Variants in ATP2B2 observed in about 807,000 individuals in gnomAD.
The protein encoded by ATP2B2 is ATPase plasma membrane Ca2+ transporting 2, also known as plasma membrane calcium-transporting ATPase 2.
ATP2B2 carries 15 observed loss-of-function variants against 120.0 expected under a neutral mutation model. That is an observed-to-expected ratio of 0.12 (90% CI 0.08 to 0.19). The LOEUF (loss-of-function observed/expected upper bound fraction) is 0.19, where lower values mean the gene tolerates loss of function less well. Ranked by LOEUF, ATP2B2 falls within the 10% of genes least tolerant of loss-of-function variation. ATP2B2 has a pLI of 1.00. For synonymous variants in ATP2B2, 694 were observed against 700.3 expected, an observed-to-expected ratio of 0.99 and a Z score of 0.14; for missense variants, 1,045 against 1,719.8, an observed-to-expected ratio of 0.61 and a Z score of 6.94.
At chr3:10,618,443 T>C (rs1214020214) in intron 2 of ATP2B2, among the ~76,000 whole-genome samples, 1 of 152,020 alleles carries the variant, frequency 6.6e-6, no homozygotes, top group Admixed American at 6.5e-5. Context: ...AGGAGCTGAG[T>C]GTGGAGAGGA....
At chr3:10,628,384 C>T (rs1235290976) in intron 1 of ATP2B2, among the ~76,000 whole-genome samples, 1 of 152,210 alleles carries the variant, frequency 6.6e-6, no homozygotes, top group African/African-American at 2.4e-5. Flanking sequence ...ACAGAGTGAA[C>T]AGCAGCCAGG....
At chr3:10,486,253 C>T (rs1036845042) in intron 1 of ATP2B2, among the ~76,000 whole-genome samples, 1 of 152,026 alleles carries the variant, frequency 6.6e-6, no homozygotes, top group Admixed American at 6.6e-5. Flanking sequence ...CCATCAAGTG[C>T]CTAGAACTGT....
At chr3:10,353,471 T>C (rs1359370560) in intron 14 of ATP2B2, among the ~76,000 whole-genome samples, 5 of 152,090 alleles carry the variant, frequency 3.3e-5, no homozygotes, top group Non-Finnish European at 5.9e-5. Context: ...AGAGAAGGCC[T>C]GAGGTATGAA....
At chr3:10,706,184 G>A (rs1406899821) in intron 1 of ATP2B2, among the ~76,000 whole-genome samples, 1 of 152,178 alleles carries the variant, frequency 6.6e-6, no homozygotes, top group African/African-American at 2.4e-5. Flanking sequence ...GGGAGTGAGT[G>A]AGTGAGTGAA....
intron 1 of ATP2B2, among the ~76,000 whole-genome samples, chr3:10,683,756 GTGTGTA>G (rs1468998290): frequency 1.0e-4 from 3 of 29,702 alleles, no homozygotes; most frequent in African/African-American, 5.1e-4. Flanking sequence ...ATATGTGTGT[GTGTGTA>G]TATATATATA....
At position 10,350,583 on chromosome 3, in the gene ATP2B2, C is replaced by A; in HGVS notation, c.2137-6G>T. Reference sequence around the variant, plus strand: ...TTGCGGATGGCTTCTGGGACCTGGGCAGGAGGGCAGGGGCCATGGGGGAGG... The same window carrying A: ...TTGCGGATGGCTTCTGGGACCTGGGAAGGAGGGCAGGGGCCATGGGGGAGG... On this transcript the variant is annotated splice_region_variant and splice_polypyrimidine_tract_variant and intron_variant, in intron 14 of 22. Transcript: ENST00000360273. The A allele has an allele frequency of 1.2e-6, 2 of 1,610,880 alleles. No homozygotes were observed. Among genetic ancestry groups the A allele is most frequent in the East Asian group, 4.5e-5 (2 of 44,862 alleles).
chr3:10,432,066 G>GA (rs1332757030), intron 2 of ATP2B2, among the ~76,000 whole-genome samples: 5 of 152,178 alleles, frequency 3.3e-5, no homozygotes, highest in Non-Finnish European at 7.4e-5. Flanking sequence ...ATAGGGAGAG[G>GA]AAAAAATATC....
intron 2 of ATP2B2, chr3:10,566,206 A>C (rs1319146754): frequency 6.6e-6 from 1 of 152,100 alleles, no homozygotes; most frequent in Non-Finnish European, 1.5e-5. Flanking sequence ...CTGTTCACCC[A>C]CTAGTTAGTG....
intron 1 of ATP2B2, among the ~76,000 whole-genome samples, chr3:10,495,755 A>G (rs1232037304): frequency 6.6e-6 from 1 of 152,240 alleles, no homozygotes; most frequent in Non-Finnish European, 1.5e-5. Flanking sequence ...CCCAGGCCAC[A>G]TACTCTTCAC....
chr3:10,398,520 C>G lies in ATP2B2; in HGVS notation c.781+2433G>C, dbSNP rs763984909. ...CTGCCAAAACCAATGCTGACCCCAG[C>G]AGCCCAGGCTTCACGGGACTCACTG... On this transcript the variant is annotated intron_variant, in intron 5 of 22. Coordinates refer to ENST00000360273, the MANE Select transcript of ATP2B2 (RefSeq NM_001001331.4). Among the ~76,000 whole-genome samples, 6 of 152,362 alleles carry G rather than the reference C, an allele frequency of 3.9e-5. No individual in the cohort carries two copies. In the South Asian group the frequency reaches 8.3e-4, roughly 21 times the overall value.
intron 1 of ATP2B2, among the ~76,000 whole-genome samples, chr3:10,682,839 C>T (rs2071414708): frequency 1.3e-5 from 2 of 152,358 alleles, no homozygotes; most frequent in South Asian, 4.1e-4. Context: ...CCACCGGCTT[C>T]TGATGGGACA....
intron 2 of ATP2B2, among the ~76,000 whole-genome samples, chr3:10,594,448 C>T (rs572831178): frequency 4.0e-5 from 6 of 151,766 alleles, no homozygotes; most frequent in African/African-American, 1.5e-4. Flanking sequence ...ACCATCATTC[C>T]CAGCAAACTA....
chr3:10,427,511 G>A (rs188890218), intron 2 of ATP2B2, among the ~76,000 whole-genome samples: 3 of 152,296 alleles, frequency 2.0e-5, no homozygotes, highest in Non-Finnish European at 4.4e-5. Context: ...CCCATTGTGT[G>A]ACAGTTAAGC....
intron 2 of ATP2B2, among the ~76,000 whole-genome samples, chr3:10,536,003 G>A (rs1477867255): frequency 6.6e-6 from 1 of 151,900 alleles, no homozygotes; most frequent in Admixed American, 6.6e-5. Context: ...ATGTACAAGT[G>A]GATCCAATTT....
At chr3:10,500,258 T>C (rs1188207180) in intron 1 of ATP2B2, among the ~76,000 whole-genome samples, 1 of 152,048 alleles carries the variant, frequency 6.6e-6, no homozygotes, top group African/African-American at 2.4e-5. Context: ...ACATTCTTAA[T>C]GTCTCTGGGC....
rs150927504 is a variant in ATP2B2, at chr3:10,437,269, A to G, written c.199+12076T>C. Among the ~76,000 whole-genome samples, 4 of 152,188 alleles carry G rather than the reference A, an allele frequency of 2.6e-5. No homozygotes were observed. In the East Asian group the frequency reaches 7.7e-4, roughly 29 times the overall value. ...GATGATGATGATAATGATAATAGTA[A>G]TAGTAATAATAATAATGATGATGGT... On this transcript the variant is annotated intron_variant, in intron 2 of 22. Coordinates refer to ENST00000360273, the MANE Select transcript of ATP2B2 (RefSeq NM_001001331.4).
intron 2 of ATP2B2, among the ~76,000 whole-genome samples, chr3:10,603,765 T>C (rs2068988686): frequency 6.6e-6 from 1 of 152,050 alleles, no homozygotes; most frequent in Admixed American, 6.5e-5. Flanking sequence ...GTTCTGGCAT[T>C]ACATATCAAT....
At chr3:10,696,706 G>C (rs1369560030) in intron 1 of ATP2B2, among the ~76,000 whole-genome samples, 1 of 152,118 alleles carries the variant, frequency 6.6e-6, no homozygotes, top group African/African-American at 2.4e-5. Flanking sequence ...CTCACACAAG[G>C]GCAGAGTTTG....
At chr3:10,511,841 T>G (rs932206247) in intron 3 of ATP2B2, among the ~76,000 whole-genome samples, 1 of 152,210 alleles carries the variant, frequency 6.6e-6, no homozygotes, top group Admixed American at 6.5e-5. Context: ...TCACTGAATG[T>G]GAGGTCCTGT....
Sources: gnomAD v4.1 joint callset for allele counts (sites outside exome capture counted in the v4.1 genomes callset) on GRCh38, gnomAD v4.1.1 for gene constraint, MANE v1.5 for transcripts, NCBI Gene and HGNC (gene_info 2026-07-23, HGNC 2026-07-21) for gene names.